BCKDHB: variants seen among roughly 807,000 people sequenced by gnomAD.
BCKDHB encodes branched chain keto acid dehydrogenase E1 subunit beta, also known as 2-oxoisovalerate dehydrogenase subunit beta, mitochondrial.
In BCKDHB, 41 loss-of-function variants were observed where a neutral mutation model predicts 48.5. That is an observed-to-expected ratio of 0.85 (90% confidence interval 0.66 to 1.10). The LOEUF is 1.10. Ranked by LOEUF, BCKDHB falls within the 50% of genes least tolerant of loss-of-function variation. The probability of loss-of-function intolerance (pLI) is 0.00; values close to 1 mark genes in which losing one functional copy is unlikely to be tolerated. For missense variants in BCKDHB, 496 were observed against 494.2 expected, an observed-to-expected ratio of 1.00 and a Z score of -0.03; for synonymous variants, 201 against 174.8, an observed-to-expected ratio of 1.15 and a Z score of -1.18.
intron 8 of BCKDHB, among the ~76,000 whole-genome samples, chr6:80,265,251 A>G (rs1364662773): frequency 1.3e-5 from 2 of 152,146 alleles, no homozygotes; most frequent in African/African-American, 4.8e-5. Flanking sequence ...ATATTTGTAC[A>G]CCTATGCTCA....
intron 1 of BCKDHB, among the ~76,000 whole-genome samples, chr6:80,119,094 A>C (rs1470183572): frequency 6.6e-6 from 1 of 152,166 alleles, no homozygotes; most frequent in Non-Finnish European, 1.5e-5. Context: ...GTTTGAGACC[A>C]GCCTGGGCAG....
chr6:80,163,031 T>G (rs1582263219), intron 3 of BCKDHB, among the ~76,000 whole-genome samples: 1 of 151,736 alleles, frequency 6.6e-6, no homozygotes, highest in East Asian at 2.0e-4. Flanking sequence ...CAAATGATCC[T>G]CCCACCTTAG....
chr6:80,244,813 A>G (rs1301416062), intron 8 of BCKDHB, among the ~76,000 whole-genome samples: 1 of 152,222 alleles, frequency 6.6e-6, no homozygotes. Flanking sequence ...AAAACAAATT[A>G]TTTGAACAAA....
At chr6:80,107,423 ATGTGTG>A (rs60917181) in intron 1 of BCKDHB, among the ~76,000 whole-genome samples, 85 of 73,224 alleles carry the variant, frequency 1.2e-3, no homozygotes, top group African/African-American at 2.8e-3. Context: ...AATTGTGTGT[ATGTGTG>A]TGTGTGTGTG....
chr6:80,437,611 A>G, the BCKDHB span, among the ~76,000 whole-genome samples: 1 of 152,216 alleles, frequency 6.6e-6, no homozygotes, highest in Non-Finnish European at 1.5e-5. Flanking sequence ...CTTAAAGAGT[A>G]TAAGTAATAT....
intron 9 of BCKDHB, among the ~76,000 whole-genome samples, chr6:80,287,765 C>T (rs75390987): frequency 0.031 from 4,712 of 152,240 alleles, 91 homozygotes; most frequent in East Asian, 0.053. Context: ...TCCCCCTGGA[C>T]GCATGTGGGC....
At chr6:80,291,084 C>G (rs1766886483) in intron 9 of BCKDHB, among the ~76,000 whole-genome samples, 1 of 152,158 alleles carries the variant, frequency 6.6e-6, no homozygotes, top group Non-Finnish European at 1.5e-5. Flanking sequence ...CCTATCTCAT[C>G]CTGTGAATTG....
chr6:80,131,673 C>T lies in BCKDHB; in HGVS notation c.343+2444C>T, dbSNP rs184006427. 1.8e-3 allele frequency among the ~76,000 whole-genome samples: 273 copies of T among 151,018 alleles called. 1 individual carries two copies. The highest frequency in any genetic ancestry group is 6.0e-3 in the African/African-American group (246 of 41,128). On this transcript the variant is annotated intron_variant, in intron 3 of 9. Coordinates refer to ENST00000320393, the MANE Select transcript of BCKDHB (RefSeq NM_183050.4). ...TTTTTTTTTTTTTGAGATGGAGTCT[C>T]GCTCTATCGCCCAGGCTGGAGTGCA...
intron 3 of BCKDHB, among the ~76,000 whole-genome samples, chr6:80,165,433 C>T (rs1772523914): frequency 6.6e-6 from 1 of 152,086 alleles, no homozygotes; most frequent in South Asian, 2.1e-4. Context: ...TCGGCATTTC[C>T]CAACACCTGC....
At chr6:80,378,721 C>T in the BCKDHB span, among the ~76,000 whole-genome samples, 11 of 152,028 alleles carry the variant, frequency 7.2e-5, no homozygotes, top group Non-Finnish European at 1.3e-4. Context: ...ATACTGTTTT[C>T]CATAGAGGTT....
chr6:80,360,276 G>A, the BCKDHB span, among the ~76,000 whole-genome samples: 1 of 152,102 alleles, frequency 6.6e-6, no homozygotes. Flanking sequence ...ATCAAATAAG[G>A]TATTGTCTCC....
At chr6:80,319,023 G>A (rs1331003915) in intron 9 of BCKDHB, among the ~76,000 whole-genome samples, 2 of 152,152 alleles carry the variant, frequency 1.3e-5, no homozygotes, top group Non-Finnish European at 2.9e-5. Context: ...GGGAGCACAG[G>A]AAAGATAAGC....
chr6:80,291,307 T>G (rs1766900603), intron 9 of BCKDHB, among the ~76,000 whole-genome samples: 1 of 152,180 alleles, frequency 6.6e-6, no homozygotes, highest in South Asian at 2.1e-4. Flanking sequence ...TCTCTAATTG[T>G]CAGGGTGTCT....
At chr6:80,421,720 T>A in the BCKDHB span, among the ~76,000 whole-genome samples, 2 of 152,126 alleles carry the variant, frequency 1.3e-5, no homozygotes, top group Non-Finnish European at 2.9e-5. Context: ...CTGGGGAAAT[T>A]TGAACTTGAG....
chr6:80,241,575 C>T (rs1334780527), intron 8 of BCKDHB, among the ~76,000 whole-genome samples: 1 of 152,182 alleles, frequency 6.6e-6, no homozygotes, highest in East Asian at 1.9e-4. Flanking sequence ...CTGGGCATCA[C>T]CAGCGGAGGG....
intron 2 of BCKDHB, among the ~76,000 whole-genome samples, 183 bp downstream of exon 2, chr6:80,127,807 T>C (rs1368582940): frequency 1.3e-5 from 2 of 152,212 alleles, no homozygotes; most frequent in Admixed American, 1.3e-4. Context: ...AGTTCTCATG[T>C]ATATTTAACA....
chr6:80,306,748 T>TG (rs1767898002), intron 9 of BCKDHB, among the ~76,000 whole-genome samples: 1 of 152,220 alleles, frequency 6.6e-6, no homozygotes. Context: ...CATTTTTTCA[T>TG]GGAGTCTTAC....
chr6:80,350,210 G>T (rs1225850204), downstream of BCKDHB, among the ~76,000 whole-genome samples: 1 of 152,054 alleles, frequency 6.6e-6, no homozygotes, highest in Non-Finnish European at 1.5e-5. Flanking sequence ...TCACTGATGT[G>T]CTTCAGCTAA....
At chr6:80,379,385 C>A in the BCKDHB span, among the ~76,000 whole-genome samples, 1 of 151,948 alleles carries the variant, frequency 6.6e-6, no homozygotes, top group African/African-American at 2.4e-5. Context: ...TTAAATGCAA[C>A]ATAACATCAC....
Sources: gnomAD v4.1 joint callset for allele counts (sites outside exome capture counted in the v4.1 genomes callset) on GRCh38, gnomAD v4.1.1 for gene constraint, MANE v1.5 for transcripts, NCBI Gene and HGNC (gene_info 2026-07-23, HGNC 2026-07-21) for gene names.